The following IGSF10 variants were observed in gnomAD, a reference collection of about 807,000 sequenced individuals.
IGSF10 encodes the protein calvaria mechanical force protein 608.
Under a neutral mutation model 128.2 loss-of-function variants are expected in IGSF10, and 126 were observed. That is an observed-to-expected ratio of 0.98 (90% CI 0.85 to 1.14). The LOEUF (loss-of-function observed/expected upper bound fraction) is 1.14. Among genes scored for constraint, IGSF10 ranks in the 50% most tolerant of loss-of-function variants. The pLI is 0.00. For synonymous variants in IGSF10, 1,185 were observed against 1,146.2 expected (o/e 1.03, Z -0.68); for missense variants, 3,295 against 3,149.8 (o/e 1.05, Z -1.10).
In IGSF10 at chr3:151,446,484, G is replaced by A. The variant is rs745311080; in HGVS notation, c.3497C>T (p.Ser1166Phe). 3.1e-6 allele frequency: 5 copies of A among 1,614,090 alleles called. No homozygotes were observed. The South Asian group carries it at 5.5e-5, about 18-fold the overall frequency. ...ATCTCTTTTAGCTTCATTGGTGCTA[G>A]ACACACGTGGGTAACTGGCGTTTAC... ...HKVNASYPRVSSTNEAKRDSV... is the reference protein window; with the variant it reads ...HKVNASYPRVFSTNEAKRDSV... Residue 1166 changes from serine to phenylalanine, a missense_variant, in exon 6 of 8, where the codon TCT becomes TTT. Physicochemically the swap from Ser to Phe is radical, Grantham distance 155 (BLOSUM62 -2). Coordinates refer to ENST00000282466, the MANE Select transcript of IGSF10 (RefSeq NM_178822.5).
At chr3:151,580,396 G>A in the IGSF10 span, among the ~76,000 whole-genome samples, 1 of 152,104 alleles carries the variant, frequency 6.6e-6, no homozygotes, top group Non-Finnish European at 1.5e-5. Flanking sequence ...AGAAAGAAAT[G>A]TTGAAAATGG....
chr3:151,491,073 T>C, the IGSF10 span, among the ~76,000 whole-genome samples: 2 of 152,006 alleles, frequency 1.3e-5, no homozygotes, highest in African/African-American at 4.8e-5. Context: ...AAGTTGATTC[T>C]TTGGAAAATT....
At chr3:151,503,357 T>A in the IGSF10 span, among the ~76,000 whole-genome samples, 1 of 151,982 alleles carries the variant, frequency 6.6e-6, no homozygotes, top group Non-Finnish European at 1.5e-5. Flanking sequence ...ACTGCAAGTA[T>A]TACGTTTAAA....
the IGSF10 span, among the ~76,000 whole-genome samples, chr3:151,478,743 C>G: frequency 6.6e-6 from 1 of 151,842 alleles, no homozygotes; most frequent in Non-Finnish European, 1.5e-5. Context: ...AGGATAAACA[C>G]TAAAAGATAA....
the IGSF10 span, among the ~76,000 whole-genome samples, chr3:151,529,855 T>C: frequency 5.3e-5 from 8 of 152,112 alleles, no homozygotes; most frequent in Non-Finnish European, 1.0e-4. Flanking sequence ...GGATGCAGGA[T>C]GAGTTTGACG....
chr3:151,447,122 A>T lies in IGSF10; in HGVS notation c.2859T>A (p.Ser953Arg). 1 of 1,614,146 alleles carries T rather than the reference A, an allele frequency of 6.2e-7. No individual in the cohort carries two copies. The highest frequency in any genetic ancestry group is 8.5e-7 in the Non-Finnish European group (1 of 1,180,014). Residue 953 changes from serine (S) to arginine (R), a missense_variant, in exon 6 of 8, where the codon AGT becomes AGA. Coordinates refer to ENST00000282466, the MANE Select transcript of IGSF10 (RefSeq NM_178822.5). ...TCACTTCTCTTACAGATGTCTGATG[A>T]CTATTTGTGGTATTTACTGACTCTA... ...LLLESVNTTN[S>R]HQTSVREVSE...
chr3:151,559,549 T>C, the IGSF10 span, among the ~76,000 whole-genome samples: 2 of 152,302 alleles, frequency 1.3e-5, no homozygotes, highest in Admixed American at 1.3e-4. Context: ...GATAATTTTG[T>C]ATATCTAGGA....
chr3:151,529,708 C>G, the IGSF10 span, among the ~76,000 whole-genome samples: 1 of 152,108 alleles, frequency 6.6e-6, no homozygotes, highest in South Asian at 2.1e-4. Context: ...CCAAAGGTTA[C>G]CAACATCAAA....
At chr3:151,567,560 G>A in the IGSF10 span, among the ~76,000 whole-genome samples, 1 of 152,136 alleles carries the variant, frequency 6.6e-6, no homozygotes, top group African/African-American at 2.4e-5. Context: ...GTTAATTCCT[G>A]CAGATATCAA....
the IGSF10 span, among the ~76,000 whole-genome samples, chr3:151,471,653 T>C: frequency 6.6e-6 from 1 of 152,252 alleles, no homozygotes; most frequent in Non-Finnish European, 1.5e-5. Flanking sequence ...TGAGGGTTTT[T>C]CACATCTAGT....
At chr3:151,562,978 A>C in the IGSF10 span, among the ~76,000 whole-genome samples, 1 of 152,036 alleles carries the variant, frequency 6.6e-6, no homozygotes, top group Non-Finnish European at 1.5e-5. Flanking sequence ...AACCCAAAAC[A>C]TAGGGCCTCA....
chr3:151,447,436 G>A lies in IGSF10; in HGVS notation c.2545C>T (p.Gln849Ter). The stretch of plus-strand genomic sequence containing the variant: ...GTGGGTTCTTCAGGTGGTAGTATTT[G>A]TGAATTCACAACAGGAGAGAATTCT... The part of the protein sequence containing the change: ...GTEFSPVVNS[Q>*]ILPPEEPTDF... The change falls in exon 6 of 8, where the codon CAA becomes TAA. Residue 849 changes from glutamine (Q) to a stop codon, truncating the protein, a stop_gained. Coordinates refer to ENST00000282466, the MANE Select transcript of IGSF10 (RefSeq NM_178822.5). LOFTEE classifies it high-confidence loss of function. 6 of 1,614,050 alleles carry A rather than the reference G, an allele frequency of 3.7e-6. No homozygotes were observed. Among genetic ancestry groups the A allele is most frequent in the Non-Finnish European group, 5.1e-6 (6 of 1,179,910 alleles).
chr3:151,437,553 TCTTCTCAG>T lies in IGSF10; in HGVS notation c.7000_7007del (p.Leu2334ThrfsTer4). On this transcript the variant is annotated frameshift_variant, in exon 8 of 8. Transcript: ENST00000282466. LOFTEE classifies it low-confidence loss of function (END_TRUNC). ...CATTAAATGGATTTCTAAATGTCGGTCTTCTCAGCATTTCCAGTACTTCTAACTGTACT... is the reference window on the plus strand; with the variant it reads ...CATTAAATGGATTTCTAAATGTCGGTCATTTCCAGTACTTCTAACTGTACT... 6.2e-7 allele frequency: 1 copy of T among 1,614,214 alleles called. No homozygotes were observed. Among genetic ancestry groups the T allele is most frequent in the Non-Finnish European group, 8.5e-7 (1 of 1,180,042 alleles).
chr3:151,557,913 T>G, the IGSF10 span, among the ~76,000 whole-genome samples: 1 of 146,268 alleles, frequency 6.8e-6, no homozygotes, highest in Non-Finnish European at 1.5e-5. Flanking sequence ...GGTATAGTTT[T>G]TCTTTCTTAT....
At chr3:151,605,419 C>T in the IGSF10 span, among the ~76,000 whole-genome samples, 10 of 152,154 alleles carry the variant, frequency 6.6e-5, no homozygotes, top group African/African-American at 2.4e-4. Context: ...ATAGTTTCCA[C>T]ACACTGTTAT....
the IGSF10 span, among the ~76,000 whole-genome samples, chr3:151,547,346 A>G: frequency 6.6e-6 from 1 of 151,866 alleles, no homozygotes. Flanking sequence ...GTTCTTGCAC[A>G]ATTATGTTCT....
the IGSF10 span, among the ~76,000 whole-genome samples, chr3:151,574,295 AAC>A: frequency 1.3e-5 from 2 of 152,182 alleles, no homozygotes; most frequent in Non-Finnish European, 2.9e-5. Context: ...TCTCCTGGAT[AAC>A]ATCCTGAAGA....
At chr3:151,544,773 C>T in the IGSF10 span, among the ~76,000 whole-genome samples, 19 of 150,290 alleles carry the variant, frequency 1.3e-4, no homozygotes, top group Admixed American at 6.6e-4. Flanking sequence ...ATTATGCATG[C>T]GATAGGCCCT....
At chr3:151,574,905 G>A in the IGSF10 span, among the ~76,000 whole-genome samples, 1 of 152,142 alleles carries the variant, frequency 6.6e-6, no homozygotes, top group Admixed American at 6.5e-5. Context: ...GGGTTTTCGT[G>A]TGGGTGTCCT....
Sources: gnomAD v4.1 joint callset for allele counts (sites outside exome capture counted in the v4.1 genomes callset) on GRCh38, gnomAD v4.1.1 for gene constraint, MANE v1.5 for transcripts, NCBI Gene and HGNC (gene_info 2026-07-23, HGNC 2026-07-21) for gene names.